The following RSRC2 variants were observed in gnomAD, a reference collection of about 807,000 sequenced individuals.
RSRC2 encodes arginine/serine-rich coiled-coil protein 2.
RSRC2 carries 5 observed loss-of-function variants against 61.3 expected under a neutral mutation model. The observed-to-expected ratio is 0.08, with a 90% confidence interval of 0.04 to 0.17. The LOEUF (loss-of-function observed/expected upper bound fraction) is 0.17, where lower values mean the gene tolerates loss of function less well. RSRC2 is among the 10% of genes least tolerant of loss of function. The pLI is 1.00. For missense variants in RSRC2, 381 were observed against 518.8 expected (o/e 0.73, Z 2.58); for synonymous variants, 202 against 166.5 (o/e 1.21, Z -1.64).
intron 3 of RSRC2, chr12:122,519,233 C>A: frequency 3.9e-6 from 2 of 510,418 alleles, no homozygotes; most frequent in Non-Finnish European, 3.5e-6. Flanking sequence ...AAATGTAGTT[C>A]CTCCCCAAAA....
At chr12:122,507,937 A>G (rs922319237) in intron 8 of RSRC2, 2 of 444,338 alleles carry the variant, frequency 4.5e-6, no homozygotes, top group Non-Finnish European at 8.3e-6. Context: ...AGCACCTGGG[A>G]TTACAGGTGT....
At position 122,505,528 on chromosome 12, in the gene RSRC2, C is replaced by T; in HGVS notation, c.1304G>A (p.Ter435=). The change falls in exon 10 of 10, where the codon TGA becomes TAA. Residue 435 remains the stop codon, a stop_retained_variant. Coordinates refer to ENST00000331738, the MANE Select transcript of RSRC2 (RefSeq NM_023012.6). ...TSSMRGMDAV[*] Reference sequence around the variant, plus strand: ...CAAACTTTACAAGTGTGATCATTTTCAAACTGCATCCATTCCTCGCATTGA... The same window carrying T: ...CAAACTTTACAAGTGTGATCATTTTTAAACTGCATCCATTCCTCGCATTGA... 6.2e-7 allele frequency: 1 copy of T among 1,613,092 alleles called. No individual in the cohort carries two copies. Among genetic ancestry groups the T allele is most frequent in the Non-Finnish European group, 8.5e-7 (1 of 1,179,428 alleles).
Position 122,518,895 on chromosome 12 carries a change from G to A in RSRC2, c.342C>T (p.Arg114=). 1 of 1,613,996 alleles carries A rather than the reference G, an allele frequency of 6.2e-7. No homozygotes were observed. The highest frequency in any genetic ancestry group is 2.2e-5 in the East Asian group (1 of 44,862). Residue 114 remains arginine, a synonymous_variant, in exon 4 of 10, where the codon CGC becomes CGT. Coordinates refer to ENST00000331738, the MANE Select transcript of RSRC2 (RefSeq NM_023012.6). ...SSENGEDRHK[R]KERKSSRGRS... ...TGCCTCTTGATGACTTTCTTTCTTTGCGTTTGTGCCTGTCCTCACCATTTT... is the reference window on the plus strand; with the variant it reads ...TGCCTCTTGATGACTTTCTTTCTTTACGTTTGTGCCTGTCCTCACCATTTT...
At chr12:122,508,522 G>T in intron 7 of RSRC2, 75 bp from the exon 8 acceptor site, 2 of 1,186,060 alleles carry the variant, frequency 1.7e-6, no homozygotes, top group Non-Finnish European at 1.2e-6. Flanking sequence ...ATTAACGAAC[G>T]ATTTATAAAA....
At chr12:122,518,669 T>C (rs969766722) in intron 4 of RSRC2, among the ~76,000 whole-genome samples, 170 bp downstream of exon 4, 4 of 151,516 alleles carry the variant, frequency 2.6e-5, no homozygotes, top group African/African-American at 7.3e-5. Flanking sequence ...GAAACCATTT[T>C]TGCATGATGA....
At chr12:122,509,741 A>G (rs1958353524) in intron 7 of RSRC2, among the ~76,000 whole-genome samples, 1 of 152,254 alleles carries the variant, frequency 6.6e-6, no homozygotes, top group Non-Finnish European at 1.5e-5. Flanking sequence ...GCCACTGTTT[A>G]CCAAAAATGT....
chr12:122,509,117 C>A (rs1310319261), intron 7 of RSRC2, among the ~76,000 whole-genome samples: 1 of 151,750 alleles, frequency 6.6e-6, no homozygotes, highest in Non-Finnish European at 1.5e-5. Context: ...TTCTCATGGA[C>A]ATTTCATTTG....
rs1194456589 is a variant in RSRC2, at chr12:122,503,781, A to G, written c.*1746T>C. ...GAAAATGAAAGGTTTATTAAAGTAC[A>G]TTAAAAATCTTACAATCTGGCTAGG... On this transcript the variant is annotated 3_prime_UTR_variant, in exon 10 of 10. Transcript: ENST00000331738. 1 of 152,200 alleles carries G rather than the reference A, an allele frequency of 6.6e-6. No individual in the cohort carries two copies. Among genetic ancestry groups the G allele is most frequent in the East Asian group, 1.9e-4 (1 of 5,198 alleles). The allele number at this position is 152,200 out of a possible 1,614,324, so 9.4% of individuals were successfully genotyped here. A position where few individuals can be genotyped will look rare whatever the true frequency, so the allele number is the denominator to read the frequency against.
rs1396974427 is a variant in RSRC2, at chr12:122,517,305, C to T, written c.524G>A (p.Arg175Gln). The T allele has an allele frequency of 5.6e-6, 9 of 1,614,078 alleles. No homozygotes were observed. The highest frequency in any genetic ancestry group is 1.1e-5 in the South Asian group (1 of 91,078). ...SRSRSRERKR[R>Q]IRSRSRSRSR... Reference sequence around the variant, plus strand: ...TCTTGAGCGGGAACGAGACCTGATCCGCCGTTTTCTTTCCCTGCTTCTGGA... The same window carrying T: ...TCTTGAGCGGGAACGAGACCTGATCTGCCGTTTTCTTTCCCTGCTTCTGGA... Residue 175 changes from arginine (R) to glutamine (Q), a missense_variant, in exon 5 of 10, where the codon CGG becomes CAG. By Grantham distance (43) the Arg-to-Gln change is conservative. This residue lies in a region of RSRC2 where 266 missense variants were observed against 270.5 expected (regional missense o/e 0.98). Transcript: ENST00000331738.
At chr12:122,519,347 A>T (rs1959155379) in intron 3 of RSRC2, 1 of 271,754 alleles carries the variant, frequency 3.7e-6, no homozygotes, top group Non-Finnish European at 7.1e-6. Flanking sequence ...AAGAATACAG[A>T]CCATGTATAT....
At position 122,505,453 on chromosome 12, in the gene RSRC2, G is replaced by T; in HGVS notation, c.*74C>A. The T allele has an allele frequency of 1.4e-6, 2 of 1,392,106 alleles. No homozygotes were observed. Among genetic ancestry groups the T allele is most frequent in the Non-Finnish European group, 2.0e-6 (2 of 1,003,074 alleles). The allele number at this position is 1,392,106 out of a possible 1,614,324, so 86.2% of individuals were successfully genotyped here. ...AACACCCATGCAAGCTAGAGTGCTA[G>T]CTGTTTGGTGAACAAGGACGTGACA... On this transcript the variant is annotated 3_prime_UTR_variant, in exon 10 of 10. Transcript: ENST00000331738.
At chr12:122,506,958 A>T in intron 8 of RSRC2, 35 bp from the exon 9 acceptor site, 4 of 1,189,630 alleles carry the variant, frequency 3.4e-6, no homozygotes, top group Non-Finnish European at 5.0e-6. Flanking sequence ...AATATGTAAA[A>T]TTTAAATATT....
chr12:122,505,641 T>C lies in RSRC2; in HGVS notation c.1191A>G (p.Glu397=). 1.9e-6 allele frequency: 3 copies of C among 1,614,106 alleles called. No homozygotes were observed. The highest frequency in any genetic ancestry group is 2.5e-6 in the Non-Finnish European group (3 of 1,179,952). The change falls in exon 10 of 10, where the codon GAA becomes GAG. Residue 397 remains glutamate, a synonymous_variant. Transcript: ENST00000331738. ...GAGCATCTAAATTTCGAAATACTTC[T>C]TCCTGCTGCTTCAGAGTCTTGTAAC... The part of the protein sequence containing the change: ...EESYKTLKQQ[E]EVFRNLDAQY...
In RSRC2 at chr12:122,517,292, A is replaced by G; in HGVS notation, c.537T>C (p.Arg179=). 1.2e-6 allele frequency: 2 copies of G among 1,614,050 alleles called. No individual in the cohort carries two copies. The highest frequency in any genetic ancestry group is 1.7e-6 in the Non-Finnish European group (2 of 1,179,996). The change falls in exon 5 of 10, where the codon CGT becomes CGC. Residue 179 remains arginine (R), a synonymous_variant. Transcript: ENST00000331738. ...SRERKRRIRS[R]SRSRSRHRHR... ...GCCTGTGTCTTGATCTTGAGCGGGA[A>G]CGAGACCTGATCCGCCGTTTTCTTT...
At position 122,504,779 on chromosome 12, in the gene RSRC2, A is replaced by C. The variant is rs1958019460; in HGVS notation, c.*748T>G. 6.5e-6 allele frequency: 1 copy of C among 152,698 alleles called. No individual in the cohort carries two copies. Among genetic ancestry groups the C allele is most frequent in the Admixed American group, 6.5e-5 (1 of 15,280 alleles). 9.5% of individuals were successfully genotyped at this position (152,698 alleles called of 1,614,324 possible). ...AGTGCTTACATCCCTTTAATGCATT[A>C]ATCTATCTCCTGAATAACACATGTA... On this transcript the variant is annotated 3_prime_UTR_variant, in exon 10 of 10. Transcript: ENST00000331738.
intron 6 of RSRC2, among the ~76,000 whole-genome samples, chr12:122,511,426 G>A (rs1252575809): frequency 1.3e-5 from 2 of 152,102 alleles, no homozygotes; most frequent in African/African-American, 4.8e-5. Context: ...AGTCAGAAAT[G>A]GGCATAGTTT....
chr12:122,518,903 G>T lies in RSRC2; in HGVS notation c.334C>A (p.His112Asn), dbSNP rs759079196. ...GATGACTTTCTTTCTTTGCGTTTGT[G>T]CCTGTCCTCACCATTTTCAGATGAA... The part of the protein sequence containing the change: ...LNSSENGEDR[H>N]KRKERKSSRG... Residue 112 changes from histidine (H) to asparagine (N), a missense_variant, in exon 4 of 10, where the codon CAC becomes AAC. Physicochemically the swap from His to Asn is moderately conservative, Grantham distance 68. Around this residue, in one of 4 missense-constraint regions of RSRC2, gnomAD observed 266 missense variants for 270.5 expected, o/e 0.98. Coordinates refer to ENST00000331738, the MANE Select transcript of RSRC2 (RefSeq NM_023012.6). 6.2e-7 allele frequency: 1 copy of T among 1,614,064 alleles called. No individual in the cohort carries two copies. The highest frequency in any genetic ancestry group is 1.6e-4 in the Middle Eastern group (1 of 6,062).
chr12:122,519,653 C>T (rs1959168410), intron 3 of RSRC2: 1 of 152,842 alleles, frequency 6.5e-6, no homozygotes, highest in African/African-American at 2.4e-5. Context: ...AGGAGTATTA[C>T]ACTTCATGTA....
At chr12:122,524,727 G>A (rs894016987) in intron 1 of RSRC2, among the ~76,000 whole-genome samples, 1 of 152,084 alleles carries the variant, frequency 6.6e-6, no homozygotes, top group Admixed American at 6.6e-5. Flanking sequence ...TTTCCCTGAG[G>A]ATATTTTATA....
Sources: allele counts gnomAD v4.1 joint callset (sites outside exome capture counted in the v4.1 genomes callset), GRCh38; gene constraint gnomAD v4.1.1; regional missense constraint gnomAD v4.1.1; transcripts MANE v1.5; gene names NCBI Gene and HGNC (gene_info 2026-07-23, HGNC 2026-07-21).